NEO1: variants seen among roughly 807,000 people sequenced by gnomAD.
The protein encoded by NEO1 is neogenin.
NEO1 carries 63 observed loss-of-function variants against 159.7 expected under a neutral mutation model. The ratio of observed to expected loss-of-function variants is 0.39; its 90% CI spans 0.32 to 0.49. The LOEUF (loss-of-function observed/expected upper bound fraction) is 0.49. Among genes scored for constraint, NEO1 ranks in the 20% least tolerant of loss-of-function variants. The pLI is 0.85. For missense variants in NEO1, 1,615 were observed against 1,831.0 expected (o/e 0.88, Z 2.15); for synonymous variants, 633 against 662.0 (o/e 0.96, Z 0.67).
intron 4 of NEO1, among the ~76,000 whole-genome samples, chr15:73,129,810 T>C (rs1468525268): frequency 6.6e-6 from 1 of 152,178 alleles, no homozygotes; most frequent in Non-Finnish European, 1.5e-5. Context: ...AAAAAGTAAA[T>C]GGAAGACTTC....
intron 1 of NEO1, among the ~76,000 whole-genome samples, chr15:73,086,357 G>C (rs746705038): frequency 6.6e-6 from 1 of 152,094 alleles, no homozygotes; most frequent in Non-Finnish European, 1.5e-5. Flanking sequence ...AAGTTGGGTA[G>C]TTTGAATCCT....
intron 1 of NEO1, among the ~76,000 whole-genome samples, chr15:73,078,824 T>C (rs1038311129): frequency 6.6e-6 from 1 of 152,228 alleles, no homozygotes; most frequent in African/African-American, 2.4e-5. Context: ...TTCTCATGTG[T>C]AAAGCACTGT....
chr15:73,300,467 C>G (rs752716000), intron 27 of NEO1, among the ~76,000 whole-genome samples: 2 of 152,234 alleles, frequency 1.3e-5, no homozygotes, highest in Non-Finnish European at 2.9e-5. Context: ...CGGTGGCTCA[C>G]GCTTGTAATC....
intron 26 of NEO1, 33 bp from the exon 27 acceptor site, chr15:73,298,315 A>C (rs760085960): frequency 6.2e-7 from 1 of 1,609,684 alleles, no homozygotes; most frequent in South Asian, 1.1e-5. Context: ...TAATGGCAAA[A>C]GAAATGCTAA....
chr15:73,060,037 T>TAA (rs35245604), intron 1 of NEO1, among the ~76,000 whole-genome samples: 1 of 147,836 alleles, frequency 6.8e-6, no homozygotes, highest in African/African-American at 2.5e-5. Context: ...GCTGTAGTGG[T>TAA]AAAAAAAAAA....
At chr15:73,183,025 T>A (rs79478409) in intron 7 of NEO1, among the ~76,000 whole-genome samples, 10 of 152,020 alleles carry the variant, frequency 6.6e-5, no homozygotes, top group Non-Finnish European at 1.5e-4. Flanking sequence ...CAAGGCCAAC[T>A]ATGGCCTAAT....
In NEO1 at chr15:73,305,131, CTA is replaced by C. The variant is rs960364519; in HGVS notation, c.*2437_*2438del. 2 of 152,018 alleles carry C rather than the reference CTA, an allele frequency of 1.3e-5. No homozygotes were observed. Among genetic ancestry groups the C allele is most frequent in the African/African-American group, 2.4e-5 (1 of 41,374 alleles). The allele number at this position is 152,018 out of a possible 1,614,324, so 9.4% of individuals were successfully genotyped here. ...TTTTCTGTAGTTGATGCTGTAAACT[CTA>C]TGGCTTTTTAAAAACGATTTCATGT... is the stretch of plus-strand genomic sequence containing the variant. On this transcript the variant is annotated 3_prime_UTR_variant, in exon 29 of 29. Transcript: ENST00000261908.
At chr15:73,301,234 C>A (rs2042599270) in intron 27 of NEO1, 87 bp from the exon 28 acceptor site, 1 of 1,557,478 alleles carries the variant, frequency 6.4e-7, no homozygotes, top group Non-Finnish European at 8.7e-7. Context: ...CTCTCTCACC[C>A]CGAAGCAGCA....
chr15:73,228,055 G>A (rs1007404753), intron 7 of NEO1, among the ~76,000 whole-genome samples: 1 of 152,184 alleles, frequency 6.6e-6, no homozygotes, highest in Non-Finnish European at 1.5e-5. Flanking sequence ...GTGTAAAACA[G>A]CAATAGTTAC....
intron 13 of NEO1, among the ~76,000 whole-genome samples, chr15:73,257,179 A>G (rs1448210421): frequency 1.4e-5 from 2 of 147,930 alleles, no homozygotes; most frequent in East Asian, 4.0e-4. Flanking sequence ...CTACATTCAG[A>G]TAAATAACAT....
intron 2 of NEO1, among the ~76,000 whole-genome samples, chr15:73,122,092 T>TATATATATAC (rs1567241749): frequency 5.5e-4 from 57 of 102,988 alleles, no homozygotes; most frequent in African/African-American, 2.0e-3. Flanking sequence ...TATATATATA[T>TATATATATAC]ATACACATTA....
chr15:73,296,401 C>T (rs1025017673), intron 26 of NEO1, among the ~76,000 whole-genome samples: 2 of 152,144 alleles, frequency 1.3e-5, no homozygotes, highest in African/African-American at 4.8e-5. Flanking sequence ...TAAGAAGATC[C>T]TCAGCACACC....
chr15:73,089,600 C>A (rs549983066), intron 1 of NEO1, among the ~76,000 whole-genome samples: 1 of 150,932 alleles, frequency 6.6e-6, no homozygotes, highest in Admixed American at 6.6e-5. Flanking sequence ...ACAACTTACA[C>A]CATTTTTTTT....
intron 15 of NEO1, among the ~76,000 whole-genome samples, chr15:73,263,461 C>T (rs1476132038): frequency 6.6e-6 from 1 of 152,110 alleles, no homozygotes; most frequent in Non-Finnish European, 1.5e-5. Flanking sequence ...TTCCAAAGTG[C>T]TGGGATTACA....
intron 1 of NEO1, among the ~76,000 whole-genome samples, chr15:73,095,068 G>A (rs910099954): frequency 7.9e-5 from 12 of 152,096 alleles, no homozygotes; most frequent in African/African-American, 2.9e-4. Flanking sequence ...AATTAGCCGG[G>A]CATGGTGGTG....
intron 1 of NEO1, among the ~76,000 whole-genome samples, chr15:73,082,254 A>G (rs1430465280): frequency 1.3e-5 from 2 of 152,188 alleles, no homozygotes; most frequent in Non-Finnish European, 2.9e-5. Context: ...TAAGCTCTTT[A>G]GATATGTAAC....
intron 1 of NEO1, among the ~76,000 whole-genome samples, chr15:73,067,369 A>G (rs1235130568): frequency 1.3e-5 from 2 of 151,986 alleles, no homozygotes; most frequent in Admixed American, 1.3e-4. Context: ...AGGTCTTTTC[A>G]AATGTCTGTT....
chr15:73,167,307 C>T (rs1361582478), intron 5 of NEO1, among the ~76,000 whole-genome samples: 3 of 132,496 alleles, frequency 2.3e-5, no homozygotes, highest in Non-Finnish European at 3.5e-5. Flanking sequence ...CCTTTAGTTT[C>T]TATAGGGAAC....
At chr15:73,119,230 T>C (rs2071492023) in intron 2 of NEO1, among the ~76,000 whole-genome samples, 1 of 152,182 alleles carries the variant, frequency 6.6e-6, no homozygotes, top group African/African-American at 2.4e-5. Context: ...CTAAAAAATA[T>C]TAAATTATGT....
Sources: gnomAD v4.1 joint callset for allele counts (sites outside exome capture counted in the v4.1 genomes callset) on GRCh38, gnomAD v4.1.1 for gene constraint, MANE v1.5 for transcripts, NCBI Gene and HGNC (gene_info 2026-07-23, HGNC 2026-07-21) for gene names.